Variants in THSD4 observed in about 807,000 individuals in gnomAD.
THSD4 encodes thrombospondin type-1 domain-containing protein 4.
A neutral mutation model predicts 119.0 loss-of-function variants in THSD4; 69 were observed. The ratio of observed to expected loss-of-function variants is 0.58; its 90% confidence interval spans 0.48 to 0.71. The LOEUF is 0.71. Among genes scored for constraint, THSD4 ranks in the 30% least tolerant of loss-of-function variants. The pLI is 0.00. For synonymous variants in THSD4, 524 were observed against 540.4 expected, an observed-to-expected ratio of 0.97 and a Z score of 0.42; for missense variants, 1,393 against 1,391.1, an observed-to-expected ratio of 1.00 and a Z score of -0.02.
At chr15:71,306,312 A>C (rs1358093893) in intron 6 of THSD4, among the ~76,000 whole-genome samples, 11 of 12,396 alleles carry the variant, frequency 8.9e-4, no homozygotes, top group East Asian at 6.9e-3. Context: ...TGCCTCAAAA[A>C]AAAAAAAAAA....
intron 6 of THSD4, among the ~76,000 whole-genome samples, chr15:71,363,308 C>CAT (rs2045917939): frequency 1.3e-5 from 2 of 152,186 alleles, no homozygotes; most frequent in African/African-American, 2.4e-5. Flanking sequence ...AAGTAGTAAA[C>CAT]CAGATTGGGC....
chr15:71,381,417 T>C (rs2046226857), intron 6 of THSD4, among the ~76,000 whole-genome samples: 1 of 152,232 alleles, frequency 6.6e-6, no homozygotes, highest in Non-Finnish European at 1.5e-5. Flanking sequence ...TCCTTGGTGT[T>C]AATATTTAAT....
intron 6 of THSD4, among the ~76,000 whole-genome samples, chr15:71,296,140 G>A (rs4776545): frequency 0.98 from 149,257 of 152,310 alleles, 73,188 homozygotes; most frequent in East Asian, 1. Context: ...TTGTGAGGGC[G>A]TATGTTTTCA....
At position 71,365,131 on chromosome 15, in the gene THSD4, T is replaced by TTGTGTGTGTGTGTGTGTGTGTGTG. The variant is rs10690804; in HGVS notation, c.1016-46544_1016-46521dup. Among the ~76,000 whole-genome samples, 1,146 of 135,848 alleles carry TTGTGTGTGTGTGTGTGTGTGTGTG rather than the reference T, an allele frequency of 8.4e-3. 26 individuals are homozygous for TTGTGTGTGTGTGTGTGTGTGTGTG. The highest frequency in any genetic ancestry group is 0.023 in the Middle Eastern group (6 of 256). The allele number at this position is 135,848 out of a possible 152,430, so 89.1% of individuals were successfully genotyped here. On this transcript the variant is annotated intron_variant, in intron 6 of 17. Transcript: ENST00000261862. Reference sequence around the variant, plus strand: ...GAAAATATATCCACTGCCCCCCCCATTGTGTGTGTGTGTGTGTGTGTGTGT... The same window carrying TTGTGTGTGTGTGTGTGTGTGTGTG: ...GAAAATATATCCACTGCCCCCCCCATTGTGTGTGTGTGTGTGTGTGTGTGTGTGTGTGTGTGTGTGTGTGTGTGT...
chr15:71,369,841 T>G (rs918991265), intron 6 of THSD4, among the ~76,000 whole-genome samples: 13 of 152,338 alleles, frequency 8.5e-5, no homozygotes, highest in Admixed American at 3.9e-4. Flanking sequence ...ATTGGAATAG[T>G]TTCAGAAGGA....
chr15:71,336,030 A>T (rs2045485837), intron 6 of THSD4, among the ~76,000 whole-genome samples: 1 of 152,172 alleles, frequency 6.6e-6, no homozygotes, highest in Non-Finnish European at 1.5e-5. Context: ...TTGGGGAGAG[A>T]TCACCTCGGT....
chr15:71,238,301 A>T (rs2044123501), intron 4 of THSD4, among the ~76,000 whole-genome samples: 1 of 152,274 alleles, frequency 6.6e-6, no homozygotes, highest in East Asian at 1.9e-4. Context: ...TTCTTAAAAA[A>T]AACTTTATTG....
Position 71,590,231 on chromosome 15 carries a change from C to G in THSD4, c.1153-70299C>G, listed in dbSNP as rs528469258. Among the ~76,000 whole-genome samples the G allele has an allele frequency of 1.2e-4, 16 of 138,528 alleles. 1 individual carries two copies. The highest frequency in any genetic ancestry group is 4.0e-4 in the African/African-American group (16 of 39,684). The allele number at this position is 138,528 out of a possible 152,430, so 90.9% of individuals were successfully genotyped here. On this transcript the variant is annotated intron_variant, in intron 7 of 17. Transcript: ENST00000261862. Reference sequence around the variant, plus strand: ...CTTTGTCTGAAGACTTGAAATATTCCGTAATACGTTTGTTCACAGCAGAAT... The same window carrying G: ...CTTTGTCTGAAGACTTGAAATATTCGGTAATACGTTTGTTCACAGCAGAAT...
intron 4 of THSD4, among the ~76,000 whole-genome samples, chr15:71,238,326 T>C (rs1427228787): frequency 2.6e-5 from 4 of 152,244 alleles, no homozygotes; most frequent in South Asian, 2.1e-4. Context: ...ATAACTTACA[T>C]ACCGTAAAAA....
intron 11 of THSD4, among the ~76,000 whole-genome samples, chr15:71,743,193 T>TG (rs963168844): frequency 1.3e-5 from 2 of 152,196 alleles, no homozygotes; most frequent in African/African-American, 4.8e-5. Context: ...AGACAAGCAG[T>TG]GGCCAGGTGC....
intron 7 of THSD4, among the ~76,000 whole-genome samples, chr15:71,558,309 C>T (rs1225046850): frequency 6.6e-6 from 1 of 152,140 alleles, no homozygotes; most frequent in African/African-American, 2.4e-5. Context: ...GCCTGGGTGA[C>T]AGAATGAGAC....
At position 71,115,599 on chromosome 15, in the gene THSD4, C is replaced by T. The variant is rs1042714754; in HGVS notation, c.-179C>T. The stretch of plus-strand genomic sequence containing the variant: ...GGGGCGGCTGGGCGGCGGTGGCGGC[C>T]GTCCATGCGGCGGCGCTCGGGGCTG... On this transcript the variant is annotated 5_prime_UTR_variant, in exon 1 of 18. Coordinates refer to ENST00000261862, the MANE Select transcript of THSD4 (RefSeq NM_024817.3). The surrounding 1 kb of genome is among the most constrained non-coding windows in gnomAD (Gnocchi z 4.4). 3 of 148,194 alleles carry T rather than the reference C, an allele frequency of 2.0e-5. No individual in the cohort carries two copies. Among genetic ancestry groups the T allele is most frequent in the Non-Finnish European group, 4.5e-5 (3 of 66,530 alleles). 9.2% of individuals were successfully genotyped at this position (148,194 alleles called of 1,614,324 possible).
At chr15:71,549,104 G>T (rs1322114099) in intron 7 of THSD4, among the ~76,000 whole-genome samples, 1 of 152,244 alleles carries the variant, frequency 6.6e-6, no homozygotes, top group African/African-American at 2.4e-5. Flanking sequence ...AAAAATGAAA[G>T]GGATTATACA....
chr15:71,309,828 C>A (rs1416158986), intron 6 of THSD4, among the ~76,000 whole-genome samples: 1 of 152,208 alleles, frequency 6.6e-6, no homozygotes, highest in Non-Finnish European at 1.5e-5. Flanking sequence ...AAAAGATATA[C>A]TTGACAGAGG....
rs2047454141 is a variant in THSD4, at chr15:71,463,479, G to A, written c.1152+51656G>A. ...TCCTTCTTGTCCACAAGAATTTCCT[G>A]AAAGACTTTGCTAAATGCCTGATTA... On this transcript the variant is annotated intron_variant, in intron 7 of 17. Transcript: ENST00000261862. Among the ~76,000 whole-genome samples the A allele has an allele frequency of 1.3e-5, 2 of 152,150 alleles. 1 individual carries two copies. Among genetic ancestry groups the A allele is most frequent in the South Asian group, 4.1e-4 (2 of 4,820 alleles).
intron 7 of THSD4, among the ~76,000 whole-genome samples, chr15:71,494,658 G>T (rs939164941): frequency 1.3e-5 from 2 of 152,060 alleles, no homozygotes; most frequent in African/African-American, 2.4e-5. Flanking sequence ...AGGAAGAAGG[G>T]TGGCTTTATA....
intron 7 of THSD4, chr15:71,547,492 T>G (rs1188652916): frequency 6.5e-7 from 1 of 1,549,800 alleles, no homozygotes; most frequent in Non-Finnish European, 8.7e-7. Context: ...GTAAGCCAAA[T>G]AAAATATCTT....
At chr15:71,256,203 G>A (rs961344216) in intron 5 of THSD4, among the ~76,000 whole-genome samples, 5 of 152,158 alleles carry the variant, frequency 3.3e-5, no homozygotes, top group African/African-American at 4.8e-5. Flanking sequence ...GGCCCGGCGC[G>A]GTGGCTGACG....
intron 7 of THSD4, among the ~76,000 whole-genome samples, chr15:71,522,354 A>G (rs1008005076): frequency 2.0e-5 from 3 of 152,204 alleles, no homozygotes; most frequent in South Asian, 2.1e-4. Flanking sequence ...GTGACATGGT[A>G]GAAGCAAACT....
Sources: gnomAD v4.1 joint callset for allele counts (sites outside exome capture counted in the v4.1 genomes callset) on GRCh38, gnomAD v4.1.1 for gene constraint, Gnocchi (gnomAD v3.1) non-coding constraint, MANE v1.5 for transcripts, NCBI Gene and HGNC (gene_info 2026-07-23, HGNC 2026-07-21) for gene names.